GRHL2: variants seen among roughly 807,000 people sequenced by gnomAD.
GRHL2 encodes the protein grainyhead-like protein 2 homolog.
GRHL2 carries 21 observed loss-of-function variants against 83.8 expected under a neutral mutation model. That is an observed-to-expected ratio of 0.25 (90% CI 0.18 to 0.36). The LOEUF (loss-of-function observed/expected upper bound fraction) is 0.36, where lower values mean the gene tolerates loss of function less well. Ranked by LOEUF, GRHL2 falls within the 10% of genes least tolerant of loss-of-function variation. The pLI, the probability that GRHL2 is intolerant of heterozygous loss-of-function variation, is 1.00. For synonymous variants in GRHL2, 280 were observed against 278.9 expected (o/e 1.00, Z -0.04); for missense variants, 623 against 781.8 (o/e 0.80, Z 2.42).
chr8:101,628,070 C>CT (rs749062705), intron 9 of GRHL2, among the ~76,000 whole-genome samples: 5 of 152,152 alleles, frequency 3.3e-5, no homozygotes, highest in Non-Finnish European at 2.9e-5. Context: ...GAAGATGTAA[C>CT]TAAGATCATT....
chr8:101,563,503 T>C (rs1417318928), intron 4 of GRHL2, among the ~76,000 whole-genome samples: 4 of 152,108 alleles, frequency 2.6e-5, no homozygotes, highest in Middle Eastern at 3.2e-3. Context: ...GCACCAGTCA[T>C]TTCTGAGTGC....
At chr8:101,665,446 T>C (rs2129772525) in intron 15 of GRHL2, among the ~76,000 whole-genome samples, 1 of 152,316 alleles carries the variant, frequency 6.6e-6, no homozygotes, top group East Asian at 1.9e-4. Context: ...ATGAGTCCTG[T>C]TGGTTGATTG....
intron 9 of GRHL2, among the ~76,000 whole-genome samples, chr8:101,629,250 A>G (rs1297996676): frequency 1.3e-5 from 2 of 152,088 alleles, no homozygotes; most frequent in African/African-American, 4.8e-5. Context: ...ATTAACATCA[A>G]GGTAAGACCA....
chr8:101,539,140 A>G (rs1811101558), intron 1 of GRHL2, among the ~76,000 whole-genome samples: 2 of 152,212 alleles, frequency 1.3e-5, no homozygotes, highest in Middle Eastern at 3.2e-3. Context: ...CTTAGTGTAA[A>G]TCGAGACTTG....
intron 7 of GRHL2, among the ~76,000 whole-genome samples, chr8:101,578,071 G>A (rs370734254): frequency 1.3e-4 from 20 of 152,174 alleles, no homozygotes; most frequent in East Asian, 7.7e-4. Context: ...CTTGAGGTCC[G>A]TTCTGTAGAG....
At chr8:101,602,657 T>G (rs558360620) in intron 8 of GRHL2, among the ~76,000 whole-genome samples, 15 of 152,332 alleles carry the variant, frequency 9.8e-5, no homozygotes, top group Non-Finnish European at 1.8e-4. Context: ...TGGCAACCAT[T>G]AGGCCTGAGT....
chr8:101,493,491 C>A (rs1312194842), intron 1 of GRHL2, among the ~76,000 whole-genome samples: 3 of 48,736 alleles, frequency 6.2e-5, no homozygotes, highest in South Asian at 1.3e-3. Context: ...TCCTCAGGTG[C>A]CCGGGGGGAA....
At chr8:101,591,803 CTGTT>C (rs1293389608) in intron 7 of GRHL2, among the ~76,000 whole-genome samples, 2 of 152,164 alleles carry the variant, frequency 1.3e-5, no homozygotes, top group Admixed American at 6.5e-5. Context: ...TGTAAGTTCT[CTGTT>C]TGTGGCAGTT....
At chr8:101,574,032 G>T (rs926762463) in intron 6 of GRHL2, among the ~76,000 whole-genome samples, 1 of 152,314 alleles carries the variant, frequency 6.6e-6, no homozygotes, top group Admixed American at 6.5e-5. Context: ...GAAGGGACAT[G>T]GTTGGAACAT....
intron 1 of GRHL2, among the ~76,000 whole-genome samples, chr8:101,507,027 C>T (rs1229875188): frequency 6.6e-6 from 1 of 152,198 alleles, no homozygotes; most frequent in Admixed American, 6.5e-5. Flanking sequence ...CTGTGCTCCC[C>T]TCTGGCGTCT....
At chr8:101,547,937 G>A (rs1044065943) in intron 2 of GRHL2, among the ~76,000 whole-genome samples, 1 of 152,216 alleles carries the variant, frequency 6.6e-6, no homozygotes, top group African/African-American at 2.4e-5. Context: ...ACAGAAAAAT[G>A]TGACAGATTC....
chr8:101,675,869 T>C, the GRHL2 span, among the ~76,000 whole-genome samples: 2 of 152,004 alleles, frequency 1.3e-5, no homozygotes, highest in Non-Finnish European at 2.9e-5. Context: ...GAGATATAGA[T>C]CAATGGAACA....
chr8:101,574,430 G>A (rs1284385946), intron 6 of GRHL2, among the ~76,000 whole-genome samples: 2 of 152,220 alleles, frequency 1.3e-5, no homozygotes, highest in Non-Finnish European at 2.9e-5. Context: ...TGCCAAGAAG[G>A]GAGAGGCCCG....
intron 1 of GRHL2, among the ~76,000 whole-genome samples, chr8:101,516,916 G>T (rs567942751): frequency 2.2e-4 from 33 of 152,188 alleles, no homozygotes; most frequent in Non-Finnish European, 4.7e-4. Flanking sequence ...AAAAGCCTGG[G>T]CATTTGAAGG....
At chr8:101,541,175 T>A (rs1309848044) in intron 1 of GRHL2, among the ~76,000 whole-genome samples, 1 of 146,030 alleles carries the variant, frequency 6.8e-6, no homozygotes, top group Non-Finnish European at 1.5e-5. Flanking sequence ...TGTGTGTGTG[T>A]GTGTGTGTGT....
chr8:101,592,100 CTTTTTTTTTT>C (rs11382067), intron 7 of GRHL2, among the ~76,000 whole-genome samples: 1 of 90,300 alleles, frequency 1.1e-5, no homozygotes, highest in African/African-American at 4.6e-5. Flanking sequence ...TCTTTCTTTT[CTTTTTTTTTT>C]TTTTTTTTTT....
intron 3 of GRHL2, among the ~76,000 whole-genome samples, chr8:101,556,589 T>C (rs2130169122): frequency 6.6e-6 from 1 of 152,308 alleles, no homozygotes; most frequent in African/African-American, 2.4e-5. Context: ...GAATTAATAT[T>C]CTACATCCTC....
chr8:101,506,635 T>C (rs1810345929), intron 1 of GRHL2, among the ~76,000 whole-genome samples: 1 of 152,230 alleles, frequency 6.6e-6, no homozygotes, highest in Non-Finnish European at 1.5e-5. Flanking sequence ...TAAAGGTTTT[T>C]ATCTCCGGTT....
intron 2 of GRHL2, among the ~76,000 whole-genome samples, chr8:101,547,532 A>G (rs1399389320): frequency 1.3e-5 from 2 of 152,214 alleles, no homozygotes; most frequent in Non-Finnish European, 2.9e-5. Context: ...ATAATACTTC[A>G]TAAATTTCAA....
Sources: allele counts gnomAD v4.1 joint callset (sites outside exome capture counted in the v4.1 genomes callset), GRCh38; gene constraint gnomAD v4.1.1; transcripts MANE v1.5; gene names NCBI Gene and HGNC (gene_info 2026-07-23, HGNC 2026-07-21).